Variants in PCDHGA10 observed in about 807,000 individuals in gnomAD.
PCDHGA10 encodes the protein protocadherin gamma-A10.
A neutral mutation model predicts 59.5 loss-of-function variants in PCDHGA10; 42 were observed. The ratio of observed to expected loss-of-function variants is 0.71; its 90% confidence interval spans 0.55 to 0.91. The LOEUF is 0.91. PCDHGA10 is among the 40% of genes least tolerant of loss of function. The probability of loss-of-function intolerance (pLI) is 0.00; values close to 1 mark genes in which losing one functional copy is unlikely to be tolerated. For synonymous variants in PCDHGA10, 511 were observed against 517.2 expected, an observed-to-expected ratio of 0.99 and a Z score of 0.16; for missense variants, 1,111 against 1,198.2, an observed-to-expected ratio of 0.93 and a Z score of 1.07.
At position 141,490,982 on chromosome 5, in the gene PCDHGA10, G is replaced by T; in HGVS notation, c.2437-3825G>T. ...CACTCAGCCCCCCAGCGTCTCCCTC[G>T]CTCTGCTCCTCCTGGCTCCTTGGTC... On this transcript the variant is annotated intron_variant, in intron 1 of 3. Coordinates refer to ENST00000398610, the MANE Select transcript of PCDHGA10 (RefSeq NM_018913.3). This position sits in a 1 kb window ranked among gnomAD's most constrained non-coding sequence, Gnocchi z 5.4. 1.2e-6 allele frequency: 2 copies of T among 1,613,994 alleles called. No individual in the cohort carries two copies. The highest frequency in any genetic ancestry group is 1.7e-6 in the Non-Finnish European group (2 of 1,180,002).
rs767577725 is a variant in PCDHGA10, at chr5:141,485,642, G to C, written c.2437-9165G>C. On this transcript the variant is annotated intron_variant, in intron 1 of 3. Transcript: ENST00000398610. This position sits in a 1 kb window ranked among gnomAD's most constrained non-coding sequence, Gnocchi z 5.7. ...AGGACAGCGTTTCCCGTTGGAAAAGGCTCAGGATGCAGATGTGGGGAGCAA... is the reference window on the plus strand; with the variant it reads ...AGGACAGCGTTTCCCGTTGGAAAAGCCTCAGGATGCAGATGTGGGGAGCAA... 2 of 1,612,044 alleles carry C rather than the reference G, an allele frequency of 1.2e-6. No individual in the cohort carries two copies. The highest frequency in any genetic ancestry group is 8.5e-7 in the Non-Finnish European group (1 of 1,178,592).
At chr5:141,430,841 T>C (rs757539834) in intron 1 of PCDHGA10, 1 of 1,566,462 alleles carries the variant, frequency 6.4e-7, no homozygotes, top group South Asian at 1.2e-5. Flanking sequence ...GGAGACCGGA[T>C]GCACCCAGAT....
chr5:141,489,830 A>G lies in PCDHGA10; in HGVS notation c.2437-4977A>G, dbSNP rs760376311. On this transcript the variant is annotated intron_variant, in intron 1 of 3. Coordinates refer to ENST00000398610, the MANE Select transcript of PCDHGA10 (RefSeq NM_018913.3). The surrounding 1 kb of genome is among the most constrained non-coding windows in gnomAD (Gnocchi z 4.5). ...AAGCCATTCCCAGAGCTGGTGCTAG[A>G]GCAGCAGCTGGATCGTGAAGCCCAG... 1.9e-6 allele frequency: 3 copies of G among 1,614,200 alleles called. No individual in the cohort carries two copies. Among genetic ancestry groups the G allele is most frequent in the East Asian group, 2.2e-5 (1 of 44,878 alleles).
At position 141,486,250 on chromosome 5, in the gene PCDHGA10, C is replaced by T; in HGVS notation, c.2437-8557C>T. 1 of 1,614,140 alleles carries T rather than the reference C, an allele frequency of 6.2e-7. No homozygotes were observed. The highest frequency in any genetic ancestry group is 2.2e-5 in the East Asian group (1 of 44,872). On this transcript the variant is annotated intron_variant, in intron 1 of 3. Coordinates refer to ENST00000398610, the MANE Select transcript of PCDHGA10 (RefSeq NM_018913.3). The surrounding 1 kb of genome is among the most constrained non-coding windows in gnomAD (Gnocchi z 5.0). ...CAGTGACCTCAGAGCTTGGAACCCT[C>T]CCCGAGAGTGCAGAACCTGGCACTG...
chr5:141,467,371 A>G, intron 1 of PCDHGA10, among the ~76,000 whole-genome samples: 1 of 151,906 alleles, frequency 6.6e-6, no homozygotes, highest in Non-Finnish European at 1.5e-5. Context: ...GTTTTCTTAT[A>G]TTGCATTTAG....
intron 1 of PCDHGA10, among the ~76,000 whole-genome samples, chr5:141,436,923 T>C (rs2097854286): frequency 6.6e-6 from 1 of 152,224 alleles, no homozygotes; most frequent in African/African-American, 2.4e-5. Flanking sequence ...GAGTGTTACT[T>C]TTTCTTTGTC....
Position 141,510,942 on chromosome 5 carries a change from T to C in PCDHGA10, c.2585-5T>C, listed in dbSNP as rs769766039. On this transcript the variant is annotated splice_region_variant and splice_polypyrimidine_tract_variant and intron_variant, in intron 3 of 3. Transcript: ENST00000398610. ...CTCCCACCTGATCTTCCTCTGTCTCTGCAGAAGCTGCTGATGGGAGCTCCA... is the reference window on the plus strand; with the variant it reads ...CTCCCACCTGATCTTCCTCTGTCTCCGCAGAAGCTGCTGATGGGAGCTCCA... 5 of 1,613,984 alleles carry C rather than the reference T, an allele frequency of 3.1e-6. No homozygotes were observed. The highest frequency in any genetic ancestry group is 4.2e-6 in the Non-Finnish European group (5 of 1,180,014).
intron 1 of PCDHGA10, among the ~76,000 whole-genome samples, chr5:141,433,761 T>G (rs2154555909): frequency 6.7e-6 from 1 of 148,664 alleles, no homozygotes; most frequent in Admixed American, 6.8e-5. Context: ...TGCTTTAACC[T>G]GGGAGGTGGA....
At chr5:141,478,723 A>C in intron 1 of PCDHGA10, 16 of 1,543,220 alleles carry the variant, frequency 1.0e-5, no homozygotes, top group Non-Finnish European at 1.3e-5. Flanking sequence ...GTGGCCTGCC[A>C]GAGTGTGGTT....
chr5:141,490,106 T>C lies in PCDHGA10; in HGVS notation c.2437-4701T>C, dbSNP rs1314489019. On this transcript the variant is annotated intron_variant, in intron 1 of 3. Coordinates refer to ENST00000398610, the MANE Select transcript of PCDHGA10 (RefSeq NM_018913.3). The surrounding 1 kb of genome is among the most constrained non-coding windows in gnomAD (Gnocchi z 5.4). ...TTTGGAGACCACACATCTGAGGCAG[T>C]GCGGAACCTCTTTGGCCTAGACCCT... 2.5e-6 allele frequency: 4 copies of C among 1,614,246 alleles called. No homozygotes were observed. Among genetic ancestry groups the C allele is most frequent in the South Asian group, 1.1e-5 (1 of 91,086 alleles).
At chr5:141,416,846 A>G (rs1412860680) in intron 1 of PCDHGA10, 2 of 152,120 alleles carry the variant, frequency 1.3e-5, no homozygotes, top group Non-Finnish European at 2.9e-5. Flanking sequence ...TTATAATTCC[A>G]TGATTTTTTT....
chr5:141,419,792 G>A (rs1379811891), intron 1 of PCDHGA10: 1 of 1,614,042 alleles, frequency 6.2e-7, no homozygotes, highest in African/African-American at 1.3e-5. Flanking sequence ...CCTGCTAGTC[G>A]CTGTAAGAGA....
At chr5:141,482,544 A>AAAC (rs1041838777) in intron 1 of PCDHGA10, among the ~76,000 whole-genome samples, 4 of 151,844 alleles carry the variant, frequency 2.6e-5, no homozygotes, top group Non-Finnish European at 4.4e-5. Context: ...AAAAAAAAAA[A>AAAC]AAAAAGATAA....
chr5:141,433,408 A>T lies in PCDHGA10; in HGVS notation c.2436+17797A>T, dbSNP rs1052180455. On this transcript the variant is annotated intron_variant, in intron 1 of 3. Coordinates refer to ENST00000398610, the MANE Select transcript of PCDHGA10 (RefSeq NM_018913.3). Reference sequence around the variant, plus strand: ...CTATCTATCTATCTATCTATCTATTACTTTCTTGTACAGACAGGAGTCTCA... The same window carrying T: ...CTATCTATCTATCTATCTATCTATTTCTTTCTTGTACAGACAGGAGTCTCA... 4.2e-3 allele frequency among the ~76,000 whole-genome samples: 537 copies of T among 127,344 alleles called. 4 individuals carry two copies. The highest frequency in any genetic ancestry group is 0.015 in the African/African-American group (523 of 34,010). 83.5% of individuals were successfully genotyped at this position (127,344 alleles called of 152,430 possible). A position where few individuals can be genotyped will look rare whatever the true frequency, so the allele number is the denominator to read the frequency against.
rs755499269 is a variant in PCDHGA10, at chr5:141,414,488, C to T, written c.1313C>T (p.Thr438Met). 2.5e-6 allele frequency: 4 copies of T among 1,613,914 alleles called. No individual in the cohort carries two copies. The highest frequency in any genetic ancestry group is 2.7e-5 in the African/African-American group (2 of 75,038). The part of the protein sequence containing the change: ...ATDGGSPPLS[T>M]EAHFMLQVAD... ...GATGGGGGAAGTCCTCCTCTATCAA[C>T]GGAAGCTCACTTTATGCTACAAGTG... The change falls in exon 1 of 4, where the codon ACG becomes ATG. Residue 438 changes from threonine (T) to methionine (M), a missense_variant. Physicochemically the swap from Thr to Met is moderately conservative, Grantham distance 81. Coordinates refer to ENST00000398610, the MANE Select transcript of PCDHGA10 (RefSeq NM_018913.3).
intron 1 of PCDHGA10, chr5:141,417,508 TATTTTGGCTGTCAACTCGTAG>T: frequency 4.2e-6 from 1 of 237,898 alleles, no homozygotes; most frequent in East Asian, 9.1e-5. Flanking sequence ...AAGATTAAAA[TATTTTGGCTGTCAACTCGTAG>T]TTTAAAAAAA....
intron 1 of PCDHGA10, among the ~76,000 whole-genome samples, chr5:141,464,426 GAT>G (rs1287556960): frequency 6.6e-6 from 1 of 151,096 alleles, no homozygotes; most frequent in African/African-American, 2.4e-5. Context: ...TATATATATA[GAT>G]ATATATGTTT....
chr5:141,438,659 T>C (rs1290256383), intron 1 of PCDHGA10, among the ~76,000 whole-genome samples: 1 of 141,194 alleles, frequency 7.1e-6, no homozygotes, highest in East Asian at 2.1e-4. Flanking sequence ...CACATATATG[T>C]ATATATATAT....
chr5:141,458,619 G>T (rs1393941674), intron 1 of PCDHGA10, among the ~76,000 whole-genome samples: 1 of 152,080 alleles, frequency 6.6e-6, no homozygotes, highest in South Asian at 2.1e-4. Context: ...AGCCAGGCTG[G>T]AGTGCAGTGG....
Sources: allele counts gnomAD v4.1 joint callset (sites outside exome capture counted in the v4.1 genomes callset), GRCh38; gene constraint gnomAD v4.1.1; non-coding constraint Gnocchi (gnomAD v3.1); transcripts MANE v1.5; gene names NCBI Gene and HGNC (gene_info 2026-07-23, HGNC 2026-07-21).